The following PTPRD variants were observed in gnomAD, a reference collection of about 807,000 sequenced individuals.
PTPRD encodes the protein protein tyrosine phosphatase receptor type D.
A neutral mutation model predicts 214.5 loss-of-function variants in PTPRD; 34 were observed. The ratio of observed to expected loss-of-function variants is 0.16; its 90% CI spans 0.12 to 0.21. PTPRD has a LOEUF of 0.21. PTPRD is among the 10% of genes least tolerant of loss of function. The pLI, the probability that PTPRD is intolerant of heterozygous loss-of-function variation, is 1.00. For missense variants in PTPRD, 2,545 were observed against 2,398.7 expected (o/e 1.06, Z -1.27); for synonymous variants, 1,128 against 845.7 (o/e 1.33, Z -5.79).
intron 3 of PTPRD, among the ~76,000 whole-genome samples, chr9:10,195,987 GA>G (rs1439667411): frequency 6.6e-6 from 1 of 152,088 alleles, no homozygotes. Flanking sequence ...GGTTTCCAAG[GA>G]CTGGACTGGA....
At chr9:10,347,932 C>T (rs572101788) in intron 2 of PTPRD, among the ~76,000 whole-genome samples, 6 of 151,906 alleles carry the variant, frequency 3.9e-5, no homozygotes, top group African/African-American at 1.2e-4. Context: ...GTGCATGTGC[C>T]TGGAGTCCCT....
chr9:9,873,824 A>G (rs554352613), intron 5 of PTPRD, among the ~76,000 whole-genome samples: 25 of 152,244 alleles, frequency 1.6e-4, no homozygotes, highest in Non-Finnish European at 3.2e-4. Flanking sequence ...CTCAAGACCT[A>G]TTGGGAATTA....
chr9:8,518,058 T>G lies in PTPRD; in HGVS notation c.1333A>C (p.Asn445His), dbSNP rs1299743815. ...ACTCTATATCCTTGGATCTGTCCAT[T>G]TGGCTCTTCAGGTTCCTTCCACTGT... ...LVQWKEPEEP[N>H]GQIQGYRVYY... Residue 445 changes from asparagine to histidine, a missense_variant, in exon 21 of 46, where the codon AAT becomes CAT. Physicochemically the swap from Asn to His is moderately conservative, Grantham distance 68 (BLOSUM62 1). Transcript: ENST00000381196. 1 of 1,614,196 alleles carries G rather than the reference T, an allele frequency of 6.2e-7. No homozygotes were observed.
intron 4 of PTPRD, among the ~76,000 whole-genome samples, chr9:9,990,391 G>A (rs958806725): frequency 6.6e-6 from 1 of 152,206 alleles, no homozygotes; most frequent in Non-Finnish European, 1.5e-5. Flanking sequence ...TGTGATTTCT[G>A]TTTATGGAGG....
chr9:8,341,608 T>A (rs1251545273), intron 40 of PTPRD, 85 bp downstream of exon 40: 1 of 1,464,368 alleles, frequency 6.8e-7, no homozygotes, highest in African/African-American at 1.4e-5. Context: ...CTTCACAAAT[T>A]TGAAAGGTTA....
chr9:8,938,523 GA>G (rs1231648460), intron 11 of PTPRD, among the ~76,000 whole-genome samples: 2 of 152,022 alleles, frequency 1.3e-5, no homozygotes, highest in East Asian at 3.9e-4. Flanking sequence ...TCTGGTTTGG[GA>G]ATACATTTAC....
At chr9:9,852,204 A>C (rs1280458766) in intron 5 of PTPRD, among the ~76,000 whole-genome samples, 1 of 152,132 alleles carries the variant, frequency 6.6e-6, no homozygotes, top group Non-Finnish European at 1.5e-5. Context: ...AATGAAAAGG[A>C]TTTTTGCAAA....
intron 10 of PTPRD, among the ~76,000 whole-genome samples, chr9:9,148,524 C>A (rs1473045188): frequency 1.3e-5 from 2 of 152,104 alleles, no homozygotes; most frequent in African/African-American, 2.4e-5. Flanking sequence ...ACACCAAGTA[C>A]TCACCCCCAT....
intron 9 of PTPRD, among the ~76,000 whole-genome samples, chr9:9,336,894 A>G (rs1205729276): frequency 6.6e-6 from 1 of 152,160 alleles, no homozygotes; most frequent in Non-Finnish European, 1.5e-5. Context: ...GTGAACTTCG[A>G]CAGCTATTAT....
chr9:10,425,089 A>G (rs957156754), intron 2 of PTPRD, among the ~76,000 whole-genome samples: 1 of 151,994 alleles, frequency 6.6e-6, no homozygotes, highest in Non-Finnish European at 1.5e-5. Context: ...ACAATATAAA[A>G]AGAAACAGGA....
intron 5 of PTPRD, among the ~76,000 whole-genome samples, chr9:9,871,941 G>A (rs1213135807): frequency 1.3e-5 from 2 of 151,738 alleles, no homozygotes; most frequent in African/African-American, 4.9e-5. Context: ...TTTTACAATT[G>A]CCAGACAAAC....
chr9:9,173,516 T>A (rs1429767821), intron 10 of PTPRD, among the ~76,000 whole-genome samples: 1 of 152,108 alleles, frequency 6.6e-6, no homozygotes, highest in Non-Finnish European at 1.5e-5. Context: ...AGCCTACCAG[T>A]GTAGCTATAT....
chr9:9,168,116 C>T (rs1028880424), intron 10 of PTPRD, among the ~76,000 whole-genome samples: 15 of 152,176 alleles, frequency 9.9e-5, no homozygotes, highest in Non-Finnish European at 1.9e-4. Flanking sequence ...TATTGGAACA[C>T]AGCCATGCCT....
intron 7 of PTPRD, among the ~76,000 whole-genome samples, chr9:9,625,047 A>G (rs906556355): frequency 6.6e-6 from 1 of 152,204 alleles, no homozygotes; most frequent in Non-Finnish European, 1.5e-5. Context: ...AATGACTCTT[A>G]AATCCATAGT....
At chr9:9,956,546 C>A (rs892364906) in intron 4 of PTPRD, among the ~76,000 whole-genome samples, 13 of 152,038 alleles carry the variant, frequency 8.6e-5, no homozygotes, top group African/African-American at 3.1e-4. Context: ...AAAATTAATA[C>A]AGAAGATACA....
chr9:9,061,466 C>T (rs1424829884), intron 10 of PTPRD, among the ~76,000 whole-genome samples: 1 of 152,112 alleles, frequency 6.6e-6, no homozygotes, highest in African/African-American at 2.4e-5. Flanking sequence ...TATTATGATT[C>T]TTTAGCTTCA....
chr9:9,894,512 A>G (rs1044485181), intron 5 of PTPRD, among the ~76,000 whole-genome samples: 15 of 151,438 alleles, frequency 9.9e-5, no homozygotes, highest in African/African-American at 3.6e-4. Flanking sequence ...TGATACACCT[A>G]TTTTCTTTTC....
chr9:8,837,959 T>G (rs550262687), intron 11 of PTPRD, among the ~76,000 whole-genome samples: 2 of 152,288 alleles, frequency 1.3e-5, no homozygotes, highest in South Asian at 4.1e-4. Context: ...AGAACATGAG[T>G]AAGCCCCATG....
chr9:9,062,627 T>C (rs1453529895), intron 10 of PTPRD, among the ~76,000 whole-genome samples: 1 of 152,104 alleles, frequency 6.6e-6, no homozygotes, highest in Non-Finnish European at 1.5e-5. Context: ...GAAAATAAGG[T>C]CCAAAATTTA....
Sources: allele counts gnomAD v4.1 joint callset (sites outside exome capture counted in the v4.1 genomes callset), GRCh38; gene constraint gnomAD v4.1.1; transcripts MANE v1.5; gene names NCBI Gene and HGNC (gene_info 2026-07-23, HGNC 2026-07-21).